Variants in LRP1B observed in about 807,000 individuals in gnomAD.
The protein encoded by LRP1B is low-density lipoprotein receptor-related protein 1B.
Under a neutral mutation model 556.6 loss-of-function variants are expected in LRP1B, and 217 were observed. The observed-to-expected ratio is 0.39, with a 90% confidence interval of 0.35 to 0.44. The LOEUF is 0.44. Among genes scored for constraint, LRP1B ranks in the 20% least tolerant of loss-of-function variants. The probability of loss-of-function intolerance (pLI) is 1.00; values close to 1 mark genes in which losing one functional copy is unlikely to be tolerated. For synonymous variants in LRP1B, 2,047 were observed against 1,865.8 expected, an observed-to-expected ratio of 1.10 and a Z score of -2.50; for missense variants, 5,053 against 5,620.8, an observed-to-expected ratio of 0.90 and a Z score of 3.23.
chr2:140,500,771 T>C (rs1689151602), intron 55 of LRP1B, among the ~76,000 whole-genome samples: 1 of 151,920 alleles, frequency 6.6e-6, no homozygotes, highest in Admixed American at 6.6e-5. Flanking sequence ...ACACTCCAAT[T>C]CGTCATGGTT....
intron 46 of LRP1B, among the ~76,000 whole-genome samples, chr2:140,536,311 TAAAAAAAAAAAAAAAAAA>T (rs70988404): frequency 1.6e-5 from 1 of 61,894 alleles, no homozygotes; most frequent in South Asian, 5.5e-4. Flanking sequence ...CCCGTCTCTT[TAAAAAAAAAAAAAAAAAA>T]AAAAAAAAAA....
intron 7 of LRP1B, among the ~76,000 whole-genome samples, chr2:141,077,547 G>T (rs4954690): frequency 2.6e-5 from 4 of 152,188 alleles, no homozygotes; most frequent in Middle Eastern, 3.4e-3. Context: ...GCTGTTTTGA[G>T]GGTACTTCGT....
At chr2:140,530,767 T>C (rs979668792) in intron 47 of LRP1B, among the ~76,000 whole-genome samples, 1 of 152,148 alleles carries the variant, frequency 6.6e-6, no homozygotes, top group Non-Finnish European at 1.5e-5. Flanking sequence ...GTTTTGCTTG[T>C]TTATTTTTAA....
chr2:141,364,395 G>A (rs1277525900), intron 3 of LRP1B, among the ~76,000 whole-genome samples: 1 of 145,880 alleles, frequency 6.9e-6, no homozygotes, highest in Non-Finnish European at 1.5e-5. Flanking sequence ...CACACACAGT[G>A]GAATTATTAA....
intron 7 of LRP1B, among the ~76,000 whole-genome samples, chr2:141,114,801 A>T (rs991958143): frequency 1.3e-5 from 2 of 152,144 alleles, no homozygotes; most frequent in African/African-American, 4.8e-5. Context: ...GTCAGAGGAA[A>T]ATTCGTAATT....
intron 6 of LRP1B, chr2:141,208,047 A>G (rs918074304): frequency 6.6e-6 from 1 of 152,226 alleles, no homozygotes; most frequent in Non-Finnish European, 1.5e-5. Context: ...AGTAGTATAT[A>G]TAGGGCTTTC....
At chr2:140,410,600 G>A (rs1684933213) in intron 66 of LRP1B, among the ~76,000 whole-genome samples, 1 of 152,004 alleles carries the variant, frequency 6.6e-6, no homozygotes, top group Admixed American at 6.6e-5. Context: ...TCAAATAAAG[G>A]TGCCAATAAA....
chr2:140,662,543 T>A (rs2105342613), intron 41 of LRP1B, among the ~76,000 whole-genome samples: 1 of 152,218 alleles, frequency 6.6e-6, no homozygotes, highest in African/African-American at 2.4e-5. Flanking sequence ...TAATTTGAGG[T>A]ATGGTGAAAG....
chr2:140,397,226 A>C (rs1684294316), intron 66 of LRP1B, among the ~76,000 whole-genome samples: 1 of 152,234 alleles, frequency 6.6e-6, no homozygotes, highest in East Asian at 1.9e-4. Flanking sequence ...CAGGATGTGC[A>C]GGTCTGTTGC....
chr2:141,589,438 G>T (rs1031716597), intron 2 of LRP1B, among the ~76,000 whole-genome samples: 1 of 152,030 alleles, frequency 6.6e-6, no homozygotes, highest in African/African-American at 2.4e-5. Flanking sequence ...TGTGATTTTT[G>T]AGTTCCTTTG....
intron 3 of LRP1B, among the ~76,000 whole-genome samples, chr2:141,465,861 A>G (rs1282441476): frequency 6.6e-6 from 1 of 150,484 alleles, no homozygotes; most frequent in African/African-American, 2.5e-5. Context: ...CATGACTTTT[A>G]TACCTCTCAG....
intron 2 of LRP1B, among the ~76,000 whole-genome samples, chr2:141,525,399 T>A (rs1019469967): frequency 6.6e-6 from 1 of 152,044 alleles, no homozygotes; most frequent in African/African-American, 2.4e-5. Context: ...TTGGGGTTTT[T>A]TTCATCCTTC....
chr2:140,645,325 T>C (rs182546833), intron 41 of LRP1B, among the ~76,000 whole-genome samples: 26 of 152,152 alleles, frequency 1.7e-4, no homozygotes, highest in Admixed American at 1.6e-3. Flanking sequence ...CTGTCACTTT[T>C]ACTTAATTAT....
At chr2:141,141,940 A>C (rs1701663148) in intron 7 of LRP1B, among the ~76,000 whole-genome samples, 1 of 152,148 alleles carries the variant, frequency 6.6e-6, no homozygotes, top group Non-Finnish European at 1.5e-5. Context: ...GTATGTAAGA[A>C]TATATCAACA....
chr2:140,579,678 C>T (rs977548189), intron 43 of LRP1B, among the ~76,000 whole-genome samples: 19 of 152,162 alleles, frequency 1.2e-4, no homozygotes, highest in African/African-American at 4.3e-4. Context: ...CCCATCTCTA[C>T]TAAAAATACA....
At chr2:141,544,620 A>C (rs1054710337) in intron 2 of LRP1B, among the ~76,000 whole-genome samples, 2 of 151,316 alleles carry the variant, frequency 1.3e-5, no homozygotes, top group African/African-American at 4.9e-5. Flanking sequence ...TTCTCCACAC[A>C]CTTTCACCTT....
intron 1 of LRP1B, among the ~76,000 whole-genome samples, chr2:141,937,497 T>C (rs946682598): frequency 6.6e-6 from 1 of 151,744 alleles, no homozygotes; most frequent in Non-Finnish European, 1.5e-5. Flanking sequence ...ATTGAGACTA[T>C]ATATATATTA....
At chr2:141,999,478 A>G (rs1702594758) in intron 1 of LRP1B, among the ~76,000 whole-genome samples, 1 of 152,186 alleles carries the variant, frequency 6.6e-6, no homozygotes, top group South Asian at 2.1e-4. Flanking sequence ...TGAAGATTTG[A>G]AAAATATATT....
intron 1 of LRP1B, among the ~76,000 whole-genome samples, chr2:141,988,387 T>A (rs923442116): frequency 1.3e-5 from 2 of 151,912 alleles, no homozygotes; most frequent in Non-Finnish European, 2.9e-5. Flanking sequence ...TAGCAGAGAC[T>A]GTTGGCTCAT....
Sources: allele counts gnomAD v4.1 joint callset (sites outside exome capture counted in the v4.1 genomes callset), GRCh38; gene constraint gnomAD v4.1.1; transcripts MANE v1.5; gene names NCBI Gene and HGNC (gene_info 2026-07-23, HGNC 2026-07-21).